Variants in CCKAR observed in about 807,000 individuals in gnomAD.
The protein encoded by CCKAR is cholecystokinin receptor type A.
Under a neutral mutation model 29.8 loss-of-function variants are expected in CCKAR, and 21 were observed. The observed-to-expected ratio is 0.70, with a 90% CI of 0.50 to 1.01. CCKAR has a LOEUF of 1.01. Ranked by LOEUF, CCKAR falls within the 50% of genes least tolerant of loss-of-function variation. CCKAR has a pLI of 0.00. For missense variants in CCKAR, 570 were observed against 560.6 expected, an observed-to-expected ratio of 1.02 and a Z score of -0.17; for synonymous variants, 238 against 221.3, an observed-to-expected ratio of 1.08 and a Z score of -0.67.
chr4:26,487,036 T>A (rs1737465337), intron 2 of CCKAR, among the ~76,000 whole-genome samples: 1 of 152,266 alleles, frequency 6.6e-6, no homozygotes, highest in African/African-American at 2.4e-5. Context: ...ACTTCCATTA[T>A]TTTTGTATTT....
At chr4:26,490,124 C>A in intron 1 of CCKAR, 32 bp downstream of exon 1, 1 of 1,405,506 alleles carries the variant, frequency 7.1e-7, no homozygotes, top group Non-Finnish European at 1.0e-6. Flanking sequence ...TCAATAGTTT[C>A]CTGAATTAAA....
intron 3 of CCKAR, among the ~76,000 whole-genome samples, chr4:26,483,883 T>C (rs902154449): frequency 2.6e-5 from 4 of 152,238 alleles, no homozygotes; most frequent in Admixed American, 2.6e-4. Context: ...CATCACGGTA[T>C]ACCATTTGCC....
chr4:26,482,912 A>T (rs979734193), intron 4 of CCKAR, among the ~76,000 whole-genome samples: 2 of 152,176 alleles, frequency 1.3e-5, no homozygotes, highest in African/African-American at 4.8e-5. Flanking sequence ...TTGGCTTGTT[A>T]TTGGGTTATA....
Position 26,481,963 on chromosome 4 carries a change from A to G in CCKAR, c.962T>C (p.Leu321Pro), listed in dbSNP as rs200933475. 6.2e-6 allele frequency: 10 copies of G among 1,614,128 alleles called. No homozygotes were observed. Among genetic ancestry groups the G allele is most frequent in the Non-Finnish European group, 7.6e-6 (9 of 1,180,048 alleles). The change falls in exon 5 of 5, where the codon CTC becomes CCC. Residue 321 changes from leucine (L) to proline (P), a missense_variant. By Grantham distance (98) the Leu-to-Pro change is moderately conservative (BLOSUM62 -3). Transcript: ENST00000295589. Reference protein sequence around the residue: ...VIRMLIVIVVLFFLCWMPIFS... With the variant: ...VIRMLIVIVVPFFLCWMPIFS... ...GATGGGCATCCAGCACAGGAAGAAG[A>G]GGACCACGATGACGATGAGCATGCG...
intron 3 of CCKAR, among the ~76,000 whole-genome samples, 162 bp from the exon 4 acceptor site, chr4:26,483,445 T>C (rs1457345357): frequency 1.3e-5 from 2 of 152,232 alleles, no homozygotes; most frequent in African/African-American, 4.8e-5. Flanking sequence ...GATTCAGTCA[T>C]TATAAGTTGT....
intron 3 of CCKAR, among the ~76,000 whole-genome samples, chr4:26,484,958 G>A (rs1340934895): frequency 6.6e-6 from 1 of 151,706 alleles, no homozygotes; most frequent in Admixed American, 6.6e-5. Context: ...TTGGGAGGTC[G>A]AGGCGGGTGG....
chr4:26,481,669 C>T lies in CCKAR; in HGVS notation c.1256G>A (p.Ser419Asn). 6.2e-7 allele frequency: 1 copy of T among 1,614,232 alleles called. No individual in the cohort carries two copies. Among genetic ancestry groups the T allele is most frequent in the Non-Finnish European group, 8.5e-7 (1 of 1,180,034 alleles). ...TGASLSRFSY[S>N]HMSASVPPQ ...GGGTGGCACCGAGGCACTCATATGGCTGTACGAGAACCTGGACAGAGAGGC... is the reference window on the plus strand; with the variant it reads ...GGGTGGCACCGAGGCACTCATATGGTTGTACGAGAACCTGGACAGAGAGGC... Residue 419 changes from serine to asparagine, a missense_variant, in exon 5 of 5, where the codon AGC (serine) becomes AAC (asparagine). Coordinates refer to ENST00000295589, the MANE Select transcript of CCKAR (RefSeq NM_000730.3).
In CCKAR at chr4:26,481,788, G is replaced by A. The variant is rs150323427; in HGVS notation, c.1137C>T (p.Leu379=). The A allele has an allele frequency of 6.8e-6, 11 of 1,614,030 alleles. No individual in the cohort carries two copies. The East Asian group carries it at 1.6e-4, about 23-fold the overall frequency. The change falls in exon 5 of 5, where the codon CTC becomes CTT. Residue 379 remains leucine, a synonymous_variant. Coordinates refer to ENST00000295589, the MANE Select transcript of CCKAR (RefSeq NM_000730.3). The part of the protein sequence containing the change: ...IYCFMNKRFR[L]GFMATFPCCP... ...AGCAGGGGAAGGTGGCCATGAAGCCGAGGCGGAAGCGTTTGTTCATGAAGC... is the reference window on the plus strand; with the variant it reads ...AGCAGGGGAAGGTGGCCATGAAGCCAAGGCGGAAGCGTTTGTTCATGAAGC...
intron 4 of CCKAR, among the ~76,000 whole-genome samples, chr4:26,482,499 A>G (rs537314218): frequency 2.0e-5 from 3 of 152,332 alleles, no homozygotes; most frequent in Non-Finnish European, 4.4e-5. Context: ...TTGCTGGGTA[A>G]GATTCCAGAT....
Position 26,483,186 on chromosome 4 carries a change from A to G in CCKAR, c.724T>C (p.Phe242Leu). Residue 242 changes from phenylalanine to leucine, a missense_variant, in exon 4 of 5, where the codon TTT becomes CTT. Physicochemically the swap from Phe to Leu is conservative, Grantham distance 22 (BLOSUM62 0). Coordinates refer to ENST00000295589, the MANE Select transcript of CCKAR (RefSeq NM_000730.3). The stretch of plus-strand genomic sequence containing the variant: ...GCAGACTTCTTCTGGCTAGCCTCAA[A>G]TTTTATTCCCTGGTAGAGTTCCAAA... The part of the protein sequence containing the change: ...ISLELYQGIK[F>L]EASQKKSAKE... 1 of 1,613,816 alleles carries G rather than the reference A, an allele frequency of 6.2e-7. No individual in the cohort carries two copies. Among genetic ancestry groups the G allele is most frequent in the Non-Finnish European group, 8.5e-7 (1 of 1,179,898 alleles).
In CCKAR at chr4:26,482,077, C is replaced by G. The variant is rs146604588; in HGVS notation, c.848G>C (p.Arg283Pro). 2.4e-5 allele frequency: 39 copies of G among 1,614,164 alleles called. No individual in the cohort carries two copies. In the East Asian group the frequency reaches 8.7e-4, roughly 36 times the overall value. ...GCTGCTGCTGCCGGTGGACAGCTGC[C>G]GGAGCTCCAGCTTCCTCGGGGGCCT... ...KTRPPRKLEL[R>P]QLSTGSSSRA... Residue 283 changes from arginine (R) to proline (P), a missense_variant, in exon 5 of 5, where the codon CGG becomes CCG. Transcript: ENST00000295589.
At position 26,490,433 on chromosome 4, in the gene CCKAR, G is replaced by A; in HGVS notation, c.-166C>T. The A allele has an allele frequency of 1.7e-6, 1 of 578,700 alleles. No homozygotes were observed. The highest frequency in any genetic ancestry group is 3.2e-6 in the Non-Finnish European group (1 of 316,758). 35.8% of individuals were successfully genotyped at this position (578,700 alleles called of 1,614,324 possible). On this transcript the variant is annotated 5_prime_UTR_variant, in exon 1 of 5. Transcript: ENST00000295589. ...TTTCAGCCATTCCTAAAGGCGACTT[G>A]AGTTCACCTCACTCACTCCAGCATT...
rs979879548 is a variant in CCKAR at position 26,486,325 on chromosome 4, G to A, written c.365-427C>T. ...TTTTTAAAACCCGAGATTCTCAAGG[G>A]CTCTGTGACCCTGAAAGGTCACTGT... On this transcript the variant is annotated intron_variant, in intron 2 of 4. Transcript: ENST00000295589. Among the ~76,000 whole-genome samples the A allele has an allele frequency of 6.3e-4, 96 of 152,176 alleles. 2 individuals are homozygous for A. Among genetic ancestry groups the A allele is most frequent in the Non-Finnish European group, 1.0e-4 (7 of 68,028 alleles).
Position 26,482,154 on chromosome 4 carries a change from G to A in CCKAR, c.771C>T (p.Thr257=), listed in dbSNP as rs561571566. The A allele has an allele frequency of 2.5e-6, 4 of 1,609,794 alleles. No homozygotes were observed. In the South Asian group the frequency reaches 4.4e-5, roughly 18 times the overall value. ...TGTCCTCATATTTGCCGCTGCTGGT[G>A]GTGCTAGGTTTCCTTTCTGGGTGGG... ...KKSAKERKPS[T]TSSGKYEDSD... is the part of the protein sequence containing the mutation. The change falls in exon 5 of 5, where the codon ACC becomes ACT. Residue 257 remains threonine (T), a synonymous_variant. Transcript: ENST00000295589.
chr4:26,481,794 G>C lies in CCKAR; in HGVS notation c.1131C>G (p.Phe377Leu). The C allele has an allele frequency of 6.2e-7, 1 of 1,614,010 alleles. No homozygotes were observed. Among genetic ancestry groups the C allele is most frequent in the Non-Finnish European group, 8.5e-7 (1 of 1,179,956 alleles). Residue 377 changes from phenylalanine to leucine, a missense_variant, in exon 5 of 5, where the codon TTC (phenylalanine) becomes TTG (leucine). Phe to Leu is a conservative substitution (Grantham distance 22). Transcript: ENST00000295589. ...GGAAGGTGGCCATGAAGCCGAGGCG[G>C]AAGCGTTTGTTCATGAAGCAGTAGA... ...PIIYCFMNKRFRLGFMATFPC... is the reference protein window; with the variant it reads ...PIIYCFMNKRLRLGFMATFPC...
At chr4:26,487,224 C>T (rs2109880433) in intron 2 of CCKAR, among the ~76,000 whole-genome samples, 1 of 152,220 alleles carries the variant, frequency 6.6e-6, no homozygotes, top group Middle Eastern at 3.4e-3. Context: ...TCTCCTTATT[C>T]TTATGGATAT....
At chr4:26,486,730 A>C (rs973761543) in intron 2 of CCKAR, among the ~76,000 whole-genome samples, 1 of 152,164 alleles carries the variant, frequency 6.6e-6, no homozygotes, top group African/African-American at 2.4e-5. Flanking sequence ...CCTGGCCAAC[A>C]TGGTGAAACC....
At chr4:26,489,574 T>A in intron 1 of CCKAR, 90 bp from the exon 2 acceptor site, 1 of 1,486,286 alleles carries the variant, frequency 6.7e-7, no homozygotes, top group South Asian at 1.2e-5. Flanking sequence ...CCTGCCGATT[T>A]TCCCCCCACC....
intron 2 of CCKAR, among the ~76,000 whole-genome samples, chr4:26,487,625 G>C (rs1737474127): frequency 6.6e-6 from 1 of 152,176 alleles, no homozygotes; most frequent in Admixed American, 6.5e-5. Flanking sequence ...TTATGGTATT[G>C]CAAATACTTT....
Sources: gnomAD v4.1 joint callset for allele counts (sites outside exome capture counted in the v4.1 genomes callset) on GRCh38, gnomAD v4.1.1 for gene constraint, MANE v1.5 for transcripts, NCBI Gene and HGNC (gene_info 2026-07-23, HGNC 2026-07-21) for gene names.